The following VPS13B variants were observed in gnomAD, a reference collection of about 807,000 sequenced individuals.
VPS13B encodes intermembrane lipid transfer protein VPS13B.
Under a neutral mutation model 426.4 loss-of-function variants are expected in VPS13B, and 285 were observed. The ratio of observed to expected loss-of-function variants is 0.67; its 90% CI spans 0.61 to 0.74. The LOEUF is 0.74. Among genes scored for constraint, VPS13B ranks in the 30% least tolerant of loss-of-function variants. VPS13B has a pLI of 0.00. For synonymous variants in VPS13B, 1,676 were observed against 1,676.4 expected (o/e 1.00, Z 0.01); for missense variants, 4,537 against 4,782.6 (o/e 0.95, Z 1.51).
chr8:99,237,062 A>G (rs1189395481), intron 17 of VPS13B, among the ~76,000 whole-genome samples: 1 of 152,058 alleles, frequency 6.6e-6, no homozygotes, highest in African/African-American at 2.4e-5. Context: ...AAGCTCTCTC[A>G]TTTTTTACCT....
chr8:99,221,846 C>T (rs994327046), intron 17 of VPS13B, among the ~76,000 whole-genome samples: 2 of 152,198 alleles, frequency 1.3e-5, no homozygotes, highest in Non-Finnish European at 2.9e-5. Context: ...GCAGCTGATA[C>T]TACAGCTGTG....
rs1419125799 is a variant in VPS13B, at chr8:99,640,041, A to AG, written c.5221-1770_5221-1769insG. ...TAATAATAATAAGAAGAAGAAGAAG[A>AG]AGAAGAAGAGAAAAGAAAAGAAAAG... On this transcript the variant is annotated intron_variant, in intron 33 of 61. Coordinates refer to ENST00000357162, the MANE Select transcript of VPS13B (RefSeq NM_152564.5). Among the ~76,000 whole-genome samples, 88 of 123,054 alleles carry AG rather than the reference A, an allele frequency of 7.2e-4. 2 individuals are homozygous for AG. Among genetic ancestry groups the AG allele is most frequent in the South Asian group, 4.6e-3 (17 of 3,670 alleles). 80.7% of individuals were successfully genotyped at this position (123,054 alleles called of 152,430 possible).
At chr8:99,462,436 C>A (rs532775179) in intron 23 of VPS13B, among the ~76,000 whole-genome samples, 2 of 152,086 alleles carry the variant, frequency 1.3e-5, no homozygotes, top group South Asian at 4.2e-4. Context: ...TTCTGTGGAT[C>A]TTGGCCATTC....
intron 33 of VPS13B, among the ~76,000 whole-genome samples, chr8:99,591,164 C>CTTTTTTT (rs376201526): frequency 5.2e-5 from 5 of 96,536 alleles, no homozygotes; most frequent in East Asian, 3.7e-4. Context: ...GCAACCGCTC[C>CTTTTTTT]TTTTTTTTTT....
intron 60 of VPS13B, 106 bp from the exon 61 acceptor site, chr8:99,871,342 G>A (rs1270702366): frequency 1.9e-6 from 3 of 1,547,116 alleles, no homozygotes; most frequent in Non-Finnish European, 1.8e-6. Context: ...GATTGGTGAG[G>A]GCCCTTTGCC....
intron 19 of VPS13B, among the ~76,000 whole-genome samples, chr8:99,283,855 A>G (rs1041876615): frequency 6.6e-6 from 1 of 152,230 alleles, no homozygotes; most frequent in African/African-American, 2.4e-5. Context: ...ACAATTTCTA[A>G]AGGATTATGA....
In VPS13B at chr8:99,721,003, G is replaced by A. The variant is rs764363562; in HGVS notation, c.7006G>A (p.Glu2336Lys). 6.2e-7 allele frequency: 1 copy of A among 1,613,996 alleles called. No homozygotes were observed. Among genetic ancestry groups the A allele is most frequent in the South Asian group, 1.1e-5 (1 of 91,074 alleles). ...AACTCCTGTACCTTTTAACACCACAGAGGATCCAGATATTAGCACAGCAGA... is the reference window on the plus strand; with the variant it reads ...AACTCCTGTACCTTTTAACACCACAAAGGATCCAGATATTAGCACAGCAGA... ...RITPVPFNTT[E>K]DPDISTADLG... Residue 2336 changes from glutamate to lysine, a missense_variant, in exon 39 of 62, where the codon GAG (glutamate) becomes AAG (lysine). Coordinates refer to ENST00000357162, the MANE Select transcript of VPS13B (RefSeq NM_152564.5).
At chr8:99,867,720 C>T (rs912668520) in intron 58 of VPS13B, among the ~76,000 whole-genome samples, 12 of 152,138 alleles carry the variant, frequency 7.9e-5, no homozygotes, top group African/African-American at 2.9e-4. Flanking sequence ...AAATAAAGCT[C>T]TTAGCACAGT....
At chr8:99,607,326 T>G (rs1209323972) in intron 33 of VPS13B, among the ~76,000 whole-genome samples, 1 of 152,196 alleles carries the variant, frequency 6.6e-6, no homozygotes, top group African/African-American at 2.4e-5. Flanking sequence ...AGCCCAAGAT[T>G]AATGACCAAT....
chr8:99,551,314 G>A (rs1824271749), intron 30 of VPS13B, among the ~76,000 whole-genome samples: 1 of 151,800 alleles, frequency 6.6e-6, no homozygotes, highest in African/African-American at 2.4e-5. Context: ...AATTACTTAA[G>A]TTTTTTGTCA....
In VPS13B at chr8:99,875,661, C is replaced by G; in HGVS notation, c.11989C>G (p.Pro3997Ala). 1 of 1,614,142 alleles carries G rather than the reference C, an allele frequency of 6.2e-7. No individual in the cohort carries two copies. Among genetic ancestry groups the G allele is most frequent in the Non-Finnish European group, 8.5e-7 (1 of 1,180,022 alleles). Residue 3997 changes from proline to alanine, a missense_variant, in exon 62 of 62, where the codon CCT becomes GCT. Transcript: ENST00000357162. Reference sequence around the variant, plus strand: ...AAATAAAGCCCTGAGGAAAGGGTTTCCTTGAGTCCCCTCTGAGGTGTTTAT... The same window carrying G: ...AAATAAAGCCCTGAGGAAAGGGTTTGCTTGAGTCCCCTCTGAGGTGTTTAT... ...VKNKALRKGF[P>A]
chr8:99,340,302 A>G lies in VPS13B; in HGVS notation c.2825-43906A>G, dbSNP rs1393097376. 8 of 293,124 alleles carry G rather than the reference A, an allele frequency of 2.7e-5. No homozygotes were observed. The East Asian group carries it at 7.2e-4, about 26-fold the overall frequency. The allele number at this position is 293,124 out of a possible 1,614,324, so 18.2% of individuals were successfully genotyped here. ...GAGTTGTTGTTACAGACCCATCAAC[A>G]CTTTAATAAATTGCCGGGGGTTTCT... On this transcript the variant is annotated intron_variant, in intron 19 of 61. Coordinates refer to ENST00000357162, the MANE Select transcript of VPS13B (RefSeq NM_152564.5).
intron 31 of VPS13B, among the ~76,000 whole-genome samples, chr8:99,559,777 G>A (rs1273930645): frequency 6.6e-6 from 1 of 152,144 alleles, no homozygotes. Flanking sequence ...TCTCTGTTTT[G>A]GTACCAGTAC....
intron 19 of VPS13B, among the ~76,000 whole-genome samples, chr8:99,304,624 G>A (rs553824064): frequency 6.6e-6 from 1 of 152,134 alleles, no homozygotes; most frequent in Admixed American, 6.6e-5. Context: ...GAGCACATTA[G>A]ACCCAGCACT....
At chr8:99,653,613 A>C (rs1384928543) in intron 34 of VPS13B, among the ~76,000 whole-genome samples, 2 of 152,160 alleles carry the variant, frequency 1.3e-5, no homozygotes, top group East Asian at 3.8e-4. Context: ...ACATAAAATG[A>C]ATTAAAAGGA....
chr8:99,805,933 G>GAAAGAA (rs1813373918), intron 43 of VPS13B, among the ~76,000 whole-genome samples: 1 of 152,172 alleles, frequency 6.6e-6, no homozygotes, highest in Non-Finnish European at 1.5e-5. Context: ...TAGAAAAGAG[G>GAAAGAA]TGAAAGAAAA....
intron 19 of VPS13B, among the ~76,000 whole-genome samples, chr8:99,333,800 T>G (rs1306388725): frequency 6.6e-6 from 1 of 151,998 alleles, no homozygotes; most frequent in East Asian, 1.9e-4. Flanking sequence ...GATTGGCTTT[T>G]TTCACTCAGA....
intron 3 of VPS13B, among the ~76,000 whole-genome samples, chr8:99,067,760 C>CT (rs1844615883): frequency 6.6e-6 from 1 of 152,106 alleles, no homozygotes; most frequent in African/African-American, 2.4e-5. Flanking sequence ...ACTTCAATTC[C>CT]TTAAAGTCTT....
chr8:99,333,439 T>C (rs538035302), intron 19 of VPS13B, among the ~76,000 whole-genome samples: 1 of 151,942 alleles, frequency 6.6e-6, no homozygotes, highest in South Asian at 2.1e-4. Context: ...AAAATTATAA[T>C]ATACCACCCC....
Sources: gnomAD v4.1 joint callset for allele counts (sites outside exome capture counted in the v4.1 genomes callset) on GRCh38, gnomAD v4.1.1 for gene constraint, MANE v1.5 for transcripts, NCBI Gene and HGNC (gene_info 2026-07-23, HGNC 2026-07-21) for gene names.